The following WASHC5 variants were observed in gnomAD, a reference collection of about 807,000 sequenced individuals.
The protein encoded by WASHC5 is WASH complex subunit 5.
Under a neutral mutation model 150.4 loss-of-function variants are expected in WASHC5, and 101 were observed. The ratio of observed to expected loss-of-function variants is 0.67; its 90% CI spans 0.57 to 0.79. WASHC5 has a LOEUF of 0.79. WASHC5 is among the 30% of genes least tolerant of loss of function. WASHC5 has a pLI of 0.00. For missense variants in WASHC5, 1,195 were observed against 1,396.3 expected, an observed-to-expected ratio of 0.86 and a Z score of 2.30; for synonymous variants, 467 against 491.2, an observed-to-expected ratio of 0.95 and a Z score of 0.65.
chr8:125,025,330 T>G (rs986606653), intron 28 of WASHC5, among the ~76,000 whole-genome samples: 2 of 152,156 alleles, frequency 1.3e-5, no homozygotes, highest in Admixed American at 6.5e-5. Flanking sequence ...GTATAAAAAT[T>G]ATTTTTACAG....
intron 23 of WASHC5, among the ~76,000 whole-genome samples, chr8:125,041,699 T>C (rs1487083932): frequency 6.6e-6 from 1 of 152,094 alleles, no homozygotes; most frequent in African/African-American, 2.4e-5. Context: ...CTTAGCTAAA[T>C]GGAGCTTGTA....
rs1422663286 is a variant in WASHC5, at chr8:125,049,139, T to C, written c.2246A>G (p.Asp749Gly). ...PKLKELGATM[D>G]GFHRSFEYIQ... ...GTATTCAAAAGAACGATGGAATCCA[T>C]CCATGGTCGCTCCCAACTCTTTCAG... The change falls in exon 19 of 29, where the codon GAT (aspartate) becomes GGT (glycine). Residue 749 changes from aspartate (D) to glycine (G), a missense_variant. By Grantham distance (94) the Asp-to-Gly change is moderately conservative (BLOSUM62 -1). Transcript: ENST00000318410. The C allele has an allele frequency of 6.2e-7, 1 of 1,614,110 alleles. No individual in the cohort carries two copies.
At chr8:125,076,744 T>TAA (rs59580091) in intron 6 of WASHC5, among the ~76,000 whole-genome samples, 4 of 132,268 alleles carry the variant, frequency 3.0e-5, no homozygotes, top group Admixed American at 7.3e-5. Context: ...AGTCTTTTCT[T>TAA]AAAAAAAAAA....
In WASHC5 at chr8:125,091,739, G is replaced by C. The variant is rs985067693; in HGVS notation, c.-249C>G. The C allele has an allele frequency of 2.6e-5, 4 of 152,324 alleles. No individual in the cohort carries two copies. The highest frequency in any genetic ancestry group is 5.9e-5 in the Non-Finnish European group (4 of 68,122). 9.4% of individuals were successfully genotyped at this position (152,324 alleles called of 1,614,324 possible). ...CTATCCGCAGTCCCGGACCTGGAGC[G>C]GGTCAGACCCCGACTTCCGCCCCTG... is the stretch of plus-strand genomic sequence containing the variant. On this transcript the variant is annotated 5_prime_UTR_variant, in exon 1 of 29. Transcript: ENST00000318410.
At chr8:125,061,245 G>T in intron 11 of WASHC5, 51 bp from the exon 12 acceptor site, 1 of 999,430 alleles carries the variant, frequency 1.0e-6, no homozygotes. Context: ...TCCTGTAGCT[G>T]TGGCTTTGAA....
Position 125,063,238 on chromosome 8 carries a change from T to G in WASHC5, c.1408+284A>C, listed in dbSNP as rs1222662984. 2.0e-5 allele frequency among the ~76,000 whole-genome samples: 3 copies of G among 152,168 alleles called. No individual in the cohort carries two copies. The East Asian group carries it at 5.8e-4, about 29-fold the overall frequency. On this transcript the variant is annotated intron_variant, in intron 11 of 28. Transcript: ENST00000318410. ...CCAACTGTGACTCTCTAAACTCTTG[T>G]CTATGAACTGGAGTTACCAAAACCC...
intron 23 of WASHC5, among the ~76,000 whole-genome samples, chr8:125,040,383 G>T (rs1034844770): frequency 6.6e-6 from 1 of 152,086 alleles, no homozygotes; most frequent in African/African-American, 2.4e-5. Context: ...CAGGATTATA[G>T]GTTCTATAAT....
rs770185044 is a variant in WASHC5 at position 125,037,295 on chromosome 8, A to G, written c.3123T>C (p.Ile1041=). Residue 1041 remains isoleucine (I), a synonymous_variant, in exon 26 of 29, where the codon ATT becomes ATC. Coordinates refer to ENST00000318410, the MANE Select transcript of WASHC5 (RefSeq NM_014846.4). ...GAGCGATCAAAAATAGAAAGTTTAC[A>G]ATTGGAAAATAGGGTAAGCGCTTTG... is the stretch of plus-strand genomic sequence containing the variant. The part of the protein sequence containing the change: ...ITTKRLPYFP[I]VNFLFLIAQL... The G allele has an allele frequency of 3.1e-6, 5 of 1,612,438 alleles. No homozygotes were observed. Among genetic ancestry groups the G allele is most frequent in the Middle Eastern group, 1.7e-4 (1 of 6,050 alleles).
intron 9 of WASHC5, among the ~76,000 whole-genome samples, chr8:125,072,350 A>AAAAGGG (rs1816921511): frequency 7.7e-5 from 1 of 12,998 alleles, no homozygotes; most frequent in African/African-American, 4.0e-4. Flanking sequence ...AAAAAAAAAA[A>AAAAGGG]GTGGGGGGGG....
At chr8:125,035,104 A>T (rs1815660514) in intron 26 of WASHC5, among the ~76,000 whole-genome samples, 1 of 152,244 alleles carries the variant, frequency 6.6e-6, no homozygotes, top group Non-Finnish European at 1.5e-5. Flanking sequence ...GCAACTGAAT[A>T]CCCACAAAGA....
intron 18 of WASHC5, among the ~76,000 whole-genome samples, chr8:125,049,917 A>G (rs1328333948): frequency 3.3e-5 from 5 of 151,808 alleles, no homozygotes; most frequent in Non-Finnish European, 2.9e-5. Context: ...GTTTTGGAAT[A>G]CTCATTTCCT....
At chr8:125,030,798 T>A (rs138503067) in intron 27 of WASHC5, among the ~76,000 whole-genome samples, 1 of 152,210 alleles carries the variant, frequency 6.6e-6, no homozygotes, top group Non-Finnish European at 1.5e-5. Flanking sequence ...CATTTTAAGA[T>A]GGTCAAAAAC....
At position 125,088,787 on chromosome 8, in the gene WASHC5, T is replaced by C. The variant is rs1265097019; in HGVS notation, c.-125+2828A>G. ...TCCGGACCATAGATGCTATAAAGCT[T>C]ATTGTCTTAAGCCACTGGGTTCTGG... On this transcript the variant is annotated intron_variant, in intron 1 of 28. Transcript: ENST00000318410. Among the ~76,000 whole-genome samples the C allele has an allele frequency of 2.6e-5, 4 of 152,260 alleles. No individual in the cohort carries two copies. The East Asian group carries it at 7.7e-4, about 29-fold the overall frequency.
chr8:125,024,612 AAC>A lies in WASHC5; in HGVS notation c.*3_*4del, dbSNP rs1815320082. The A allele has an allele frequency of 1.9e-6, 3 of 1,602,564 alleles. No individual in the cohort carries two copies. In the African/African-American group the frequency reaches 4.0e-5, roughly 21 times the overall value. On this transcript the variant is annotated 3_prime_UTR_variant, in exon 29 of 29. Transcript: ENST00000318410. ...ATCCTTCCATTGAAGAAGTAGGAAAAACAGTTACAGCACTGTTCTGAACTCAT... is the reference window on the plus strand; with the variant it reads ...ATCCTTCCATTGAAGAAGTAGGAAAAAGTTACAGCACTGTTCTGAACTCAT...
chr8:125,044,644 C>G lies in WASHC5; in HGVS notation c.2559G>C (p.Gln853His). ...LNTWYDMKTH[Q>H]EVTSSRLFSE... ...AGAAGAGGCGGCTGCTGGTCACTTCCTGATGAGTTTTCATATCATACCAAG... is the reference window on the plus strand; with the variant it reads ...AGAAGAGGCGGCTGCTGGTCACTTCGTGATGAGTTTTCATATCATACCAAG... Residue 853 changes from glutamine to histidine, a missense_variant, in exon 21 of 29, where the codon CAG (glutamine) becomes CAC (histidine). Physicochemically the swap from Gln to His is conservative, Grantham distance 24. Transcript: ENST00000318410. 1 of 1,614,124 alleles carries G rather than the reference C, an allele frequency of 6.2e-7. No individual in the cohort carries two copies. The highest frequency in any genetic ancestry group is 8.5e-7 in the Non-Finnish European group (1 of 1,179,952).
chr8:125,062,598 T>C (rs1242511518), intron 11 of WASHC5, among the ~76,000 whole-genome samples: 1 of 152,230 alleles, frequency 6.6e-6, no homozygotes, highest in Non-Finnish European at 1.5e-5. Context: ...TCGTTATACG[T>C]TGGCTGGCTT....
chr8:125,065,331 T>C (rs1368949102), intron 10 of WASHC5, among the ~76,000 whole-genome samples: 1 of 152,204 alleles, frequency 6.6e-6, no homozygotes, highest in Non-Finnish European at 1.5e-5. Context: ...TGGGTATTTT[T>C]TTTTTCTTTT....
At position 125,032,554 on chromosome 8, in the gene WASHC5, C is replaced by T. The variant is rs1473834691; in HGVS notation, c.3182-160G>A. 6.0e-6 allele frequency: 5 copies of T among 829,182 alleles called. No individual in the cohort carries two copies. In the East Asian group the frequency reaches 1.1e-4, roughly 17 times the overall value. 51.4% of individuals were successfully genotyped at this position (829,182 alleles called of 1,614,324 possible). On this transcript the variant is annotated intron_variant, in intron 26 of 28. Coordinates refer to ENST00000318410, the MANE Select transcript of WASHC5 (RefSeq NM_014846.4). ...ATTCTGGGCCATATTTTGAATTAGC[C>T]ACAGGATTGGTAGGGCATTCCAGGG...
At chr8:125,034,056 A>C (rs76974424) in intron 26 of WASHC5, among the ~76,000 whole-genome samples, 94 of 151,930 alleles carry the variant, frequency 6.2e-4, no homozygotes, top group African/African-American at 2.1e-3. Context: ...AATAAAAAAA[A>C]AATTTAAAAA....
Sources: allele counts gnomAD v4.1 joint callset (sites outside exome capture counted in the v4.1 genomes callset), GRCh38; gene constraint gnomAD v4.1.1; transcripts MANE v1.5; gene names NCBI Gene and HGNC (gene_info 2026-07-23, HGNC 2026-07-21).